Variants in KSR1 observed in about 807,000 individuals in gnomAD.
The protein encoded by KSR1 is kinase suppressor of ras 1, also known as kinase suppressor of ras.
Under a neutral mutation model 92.9 loss-of-function variants are expected in KSR1, and 35 were observed. That is an observed-to-expected ratio of 0.38 (90% CI 0.29 to 0.50). The LOEUF (loss-of-function observed/expected upper bound fraction) is 0.50, where lower values mean the gene tolerates loss of function less well. Ranked by LOEUF, KSR1 falls within the 20% of genes least tolerant of loss-of-function variation. The pLI is 0.94. For missense variants in KSR1, 972 were observed against 1,158.5 expected (o/e 0.84, Z 2.34); for synonymous variants, 467 against 472.6 (o/e 0.99, Z 0.15).
chr17:27,554,689 A>G (rs2071526805), intron 2 of KSR1, among the ~76,000 whole-genome samples: 2 of 152,208 alleles, frequency 1.3e-5, no homozygotes, highest in South Asian at 2.1e-4. Context: ...ATATATTACA[A>G]TGTAATAGAA....
intron 1 of KSR1, among the ~76,000 whole-genome samples, chr17:27,541,666 G>C (rs1048672950): frequency 6.6e-6 from 1 of 152,252 alleles, no homozygotes; most frequent in Non-Finnish European, 1.5e-5. Context: ...ATTATTTTGA[G>C]AGGTGCATAG....
At chr17:27,481,855 C>A (rs1011358505) in intron 1 of KSR1, among the ~76,000 whole-genome samples, 2 of 152,186 alleles carry the variant, frequency 1.3e-5, no homozygotes, top group African/African-American at 4.8e-5. Flanking sequence ...GTCCATTATA[C>A]CAGAACTGTA....
intron 6 of KSR1, 116 bp from the exon 7 acceptor site, chr17:27,590,695 G>GT: frequency 1.1e-6 from 1 of 892,480 alleles, no homozygotes; most frequent in South Asian, 1.5e-5. Flanking sequence ...GGGGCCAAGG[G>GT]GCTCTGGGAT....
intron 1 of KSR1, among the ~76,000 whole-genome samples, chr17:27,496,207 G>A (rs961759958): frequency 2.0e-5 from 3 of 152,114 alleles, no homozygotes; most frequent in Non-Finnish European, 4.4e-5. Context: ...CCCGGGTGGC[G>A]TTTTTGTGTT....
chr17:27,545,651 G>A (rs2071144321), intron 1 of KSR1, among the ~76,000 whole-genome samples: 1 of 152,238 alleles, frequency 6.6e-6, no homozygotes. Context: ...AAGCAGACAA[G>A]CGTGAAAAAT....
intron 1 of KSR1, among the ~76,000 whole-genome samples, chr17:27,494,925 C>T (rs996615091): frequency 2.0e-5 from 3 of 152,182 alleles, no homozygotes; most frequent in African/African-American, 4.8e-5. Context: ...GGGCTCAGCC[C>T]ATAAGCAAGT....
intron 14 of KSR1, 34 bp from the exon 15 acceptor site, chr17:27,607,880 C>G (rs778599377): frequency 2.4e-5 from 37 of 1,529,522 alleles, no homozygotes; most frequent in Non-Finnish European, 3.2e-5. Flanking sequence ...GCACCAGCCC[C>G]AGACTTGTGC....
chr17:27,592,548 C>T lies in KSR1; in HGVS notation c.1221C>T (p.Val407=), dbSNP rs999194916. ...PLTRLRRTES[V]PSDINNPVDR... ...CTCGGCTTCGGAGGACAGAATCTGTCCCCTCGGACATCAACAACCCGGTGG... is the reference window on the plus strand; with the variant it reads ...CTCGGCTTCGGAGGACAGAATCTGTTCCCTCGGACATCAACAACCCGGTGG... The change falls in exon 9 of 21, where the codon GTC becomes GTT. Residue 407 remains valine, a synonymous_variant. Coordinates refer to ENST00000644974, the MANE Select transcript of KSR1 (RefSeq NM_001394583.1). 15 of 1,613,832 alleles carry T rather than the reference C, an allele frequency of 9.3e-6. No individual in the cohort carries two copies. The highest frequency in any genetic ancestry group is 1.3e-5 in the African/African-American group (1 of 74,916).
chr17:27,554,364 G>A (rs572425063), intron 2 of KSR1, among the ~76,000 whole-genome samples: 3 of 152,296 alleles, frequency 2.0e-5, no homozygotes, highest in South Asian at 2.1e-4. Flanking sequence ...GACAGGTACC[G>A]GTCCACTTGG....
intron 1 of KSR1, among the ~76,000 whole-genome samples, chr17:27,515,449 G>A (rs1046351856): frequency 1.3e-5 from 2 of 152,122 alleles, no homozygotes; most frequent in Non-Finnish European, 2.9e-5. Context: ...CCGCATGACT[G>A]TAGTTTGAGA....
At chr17:27,525,245 T>C (rs2070212701) in intron 1 of KSR1, among the ~76,000 whole-genome samples, 1 of 152,190 alleles carries the variant, frequency 6.6e-6, no homozygotes, top group Non-Finnish European at 1.5e-5. Context: ...GTCAAGCAGG[T>C]TGTGCACTGC....
At chr17:27,539,510 G>A (rs554979429) in intron 1 of KSR1, among the ~76,000 whole-genome samples, 3 of 152,194 alleles carry the variant, frequency 2.0e-5, no homozygotes, top group African/African-American at 4.8e-5. Context: ...CCCCCAACTT[G>A]TGTGGGTTCC....
chr17:27,615,254 C>T (rs2074026571), intron 18 of KSR1, among the ~76,000 whole-genome samples: 1 of 152,232 alleles, frequency 6.6e-6, no homozygotes, highest in African/African-American at 2.4e-5. Context: ...TTAAATCTTC[C>T]ATGCTGTGCC....
At chr17:27,552,684 T>G (rs1284546010) in intron 2 of KSR1, among the ~76,000 whole-genome samples, 1 of 152,162 alleles carries the variant, frequency 6.6e-6, no homozygotes, top group Admixed American at 6.5e-5. Context: ...GCAGTAGCAC[T>G]CCCCTCTTCC....
At chr17:27,458,622 T>C (rs1376247049) in intron 1 of KSR1, among the ~76,000 whole-genome samples, 3 of 152,218 alleles carry the variant, frequency 2.0e-5, no homozygotes, top group African/African-American at 4.8e-5. Flanking sequence ...ATTCAGTGGC[T>C]TCCCTCCTGA....
In KSR1 at chr17:27,607,971, C is replaced by A. The variant is rs745861622; in HGVS notation, c.2052C>A (p.Asp684Glu). 6.2e-7 allele frequency: 1 copy of A among 1,610,976 alleles called. No individual in the cohort carries two copies. Among genetic ancestry groups the A allele is most frequent in the Non-Finnish European group, 8.5e-7 (1 of 1,178,600 alleles). ...TGAGGGACCCCAAGACGTCTCTGGA[C>A]ATCAACAAGACGAGGCAAATCGCTC... Reference protein sequence around the residue: ...SFVRDPKTSLDINKTRQIAQE... With the variant: ...SFVRDPKTSLEINKTRQIAQE... The change falls in exon 15 of 21, where the codon GAC becomes GAA. Residue 684 changes from aspartate to glutamate, a missense_variant. Asp to Glu is a conservative substitution (Grantham distance 45). This residue lies in a region of KSR1 where 260 missense variants were observed against 375.2 expected (regional missense o/e 0.69). Coordinates refer to ENST00000644974, the MANE Select transcript of KSR1 (RefSeq NM_001394583.1).
At position 27,456,508 on chromosome 17, in the gene KSR1, C is replaced by A. The variant is rs943135539; in HGVS notation, c.-136C>A. 2.5e-6 allele frequency: 1 copy of A among 400,070 alleles called. No homozygotes were observed. The highest frequency in any genetic ancestry group is 2.1e-5 in the African/African-American group (1 of 47,612). 24.8% of individuals were successfully genotyped at this position (400,070 alleles called of 1,614,324 possible). A position where few individuals can be genotyped will look rare whatever the true frequency, so the allele number is the denominator to read the frequency against. ...AGGGTGGAAGCGGCAGACTCAGCGGCCGGCTCTACCGGCGTCCCGGCTCGG... is the reference window on the plus strand; with the variant it reads ...AGGGTGGAAGCGGCAGACTCAGCGGACGGCTCTACCGGCGTCCCGGCTCGG... On this transcript the variant is annotated 5_prime_UTR_variant, in exon 1 of 21. Transcript: ENST00000644974.
chr17:27,485,884 C>G (rs985978376), intron 1 of KSR1, among the ~76,000 whole-genome samples: 1 of 152,112 alleles, frequency 6.6e-6, no homozygotes. Context: ...AGGGCTGCTC[C>G]CCCGAGGATT....
At chr17:27,458,469 G>T (rs1428957212) in intron 1 of KSR1, among the ~76,000 whole-genome samples, 1 of 152,190 alleles carries the variant, frequency 6.6e-6, no homozygotes, top group Non-Finnish European at 1.5e-5. Flanking sequence ...CTTCCAGAGT[G>T]TGTATATAGG....
Sources: gnomAD v4.1 joint callset for allele counts (sites outside exome capture counted in the v4.1 genomes callset) on GRCh38, gnomAD v4.1.1 for gene constraint, gnomAD v4.1.1 regional missense constraint, MANE v1.5 for transcripts, NCBI Gene and HGNC (gene_info 2026-07-23, HGNC 2026-07-21) for gene names.